Variants in EIF3B observed in about 807,000 individuals in gnomAD.
The protein encoded by EIF3B is eukaryotic translation initiation factor 3 subunit B, also known as eukaryotic translation initiation factor 3 subunit 9.
EIF3B carries 10 observed loss-of-function variants against 104.6 expected under a neutral mutation model. The observed-to-expected ratio is 0.10, with a 90% CI of 0.06 to 0.16. The LOEUF (loss-of-function observed/expected upper bound fraction) is 0.16, where lower values mean the gene tolerates loss of function less well. Ranked by LOEUF, EIF3B falls within the 10% of genes least tolerant of loss-of-function variation. The pLI is 1.00. For synonymous variants in EIF3B, 542 were observed against 417.2 expected (o/e 1.30, Z -3.65); for missense variants, 1,014 against 1,087.9 (o/e 0.93, Z 0.96).
At position 2,366,345 on chromosome 7, in the gene EIF3B, G is replaced by A; in HGVS notation, c.1186G>A (p.Asp396Asn). The part of the protein sequence containing the change: ...RYLVTFSPLM[D>N]TQDDPQAIII... ...CCTGGTGACCTTTAGCCCCCTGATG[G>A]ACACGCAGGATGACCCTCAGGCCAT... The change falls in exon 7 of 19, where the codon GAC (aspartate) becomes AAC (asparagine). Residue 396 changes from aspartate to asparagine, a missense_variant. Transcript: ENST00000360876. 1 of 1,612,580 alleles carries A rather than the reference G, an allele frequency of 6.2e-7. No individual in the cohort carries two copies. Among genetic ancestry groups the A allele is most frequent in the Non-Finnish European group, 8.5e-7 (1 of 1,179,388 alleles).
rs916852455 is a variant in EIF3B at position 2,380,675 on chromosome 7, C to G, written c.*486C>G. ...GAGGGCGCCGCCATGCCTTGTACCC[C>G]CACCGTGCAGGTTGTGGCCGGTTTT... On this transcript the variant is annotated 3_prime_UTR_variant, in exon 19 of 19. Coordinates refer to ENST00000360876, the MANE Select transcript of EIF3B (RefSeq NM_001037283.2). The G allele has an allele frequency of 2.5e-5, 5 of 200,448 alleles. No homozygotes were observed. The highest frequency in any genetic ancestry group is 3.2e-5 in the Non-Finnish European group (3 of 94,818). The allele number at this position is 200,448 out of a possible 1,614,324, so 12.4% of individuals were successfully genotyped here. A position where few individuals can be genotyped will look rare whatever the true frequency, so the allele number is the denominator to read the frequency against.
chr7:2,360,946 G>C (rs375225894), intron 2 of EIF3B, 44 bp downstream of exon 2: 13 of 1,491,346 alleles, frequency 8.7e-6, no homozygotes, highest in Non-Finnish European at 1.1e-5. Flanking sequence ...TGTCTGGCAC[G>C]TCATGATGAG....
intron 9 of EIF3B, among the ~76,000 whole-genome samples, chr7:2,368,553 C>G (rs929238149): frequency 6.6e-6 from 1 of 152,232 alleles, no homozygotes; most frequent in Non-Finnish European, 1.5e-5. Context: ...TTCAGTGACC[C>G]CTTCCCGTGC....
chr7:2,372,740 G>C lies in EIF3B; in HGVS notation c.1755G>C (p.Pro585=), dbSNP rs140168471. ...SKFAVLHGEA[P]RISVSFYHVK... The stretch of plus-strand genomic sequence containing the variant: ...TTGCTGTGCTGCACGGAGAGGCTCC[G>C]CGGATATCTGTGTCTTTCTACCACG... The change falls in exon 12 of 19, where the codon CCG becomes CCC. Residue 585 remains proline, a synonymous_variant. Transcript: ENST00000360876. 1 of 1,614,032 alleles carries C rather than the reference G, an allele frequency of 6.2e-7. No homozygotes were observed. The highest frequency in any genetic ancestry group is 8.5e-7 in the Non-Finnish European group (1 of 1,180,018).
intron 1 of EIF3B, among the ~76,000 whole-genome samples, chr7:2,357,324 TG>T (rs1489699583): frequency 6.6e-6 from 1 of 152,188 alleles, no homozygotes; most frequent in Admixed American, 6.5e-5. Context: ...GTGAGGCATC[TG>T]GTCCTGAGGA....
chr7:2,369,427 C>A, intron 9 of EIF3B, 45 bp from the exon 10 acceptor site: 1 of 1,591,566 alleles, frequency 6.3e-7, no homozygotes, highest in South Asian at 1.1e-5. Flanking sequence ...TCAGTTTCGT[C>A]ATCACTTGGT....
chr7:2,355,546 C>A, intron 1 of EIF3B, 126 bp downstream of exon 1: 1 of 1,291,208 alleles, frequency 7.7e-7, no homozygotes, highest in Non-Finnish European at 1.0e-6. Flanking sequence ...TCCGTGTGTT[C>A]CTGAGAAGCC....
chr7:2,371,810 A>T lies in EIF3B; in HGVS notation c.1648A>T (p.Arg550Trp). 1 of 1,613,884 alleles carries T rather than the reference A, an allele frequency of 6.2e-7. No individual in the cohort carries two copies. Among genetic ancestry groups the T allele is most frequent in the Non-Finnish European group, 8.5e-7 (1 of 1,179,968 alleles). ...CACAAATTTTGAAATTTTCCGAATGAGGGAGAAACAGGTACCTGTGGATGT... is the reference window on the plus strand; with the variant it reads ...CACAAATTTTGAAATTTTCCGAATGTGGGAGAAACAGGTACCTGTGGATGT... ...VVTNFEIFRM[R>W]EKQVPVDVVE... Residue 550 changes from arginine (R) to tryptophan (W), a missense_variant, in exon 11 of 19, where the codon AGG becomes TGG. Around this residue, in one of 4 missense-constraint regions of EIF3B, gnomAD observed 59 missense variants for 118.8 expected, o/e 0.50. Transcript: ENST00000360876.
chr7:2,365,671 GTTTGTTTTGTTTT>G (rs1779975599), intron 6 of EIF3B, among the ~76,000 whole-genome samples: 2 of 108,950 alleles, frequency 1.8e-5, no homozygotes, highest in African/African-American at 9.1e-5. Flanking sequence ...TTGTTTGTTT[GTTTGTTTTGTTTT>G]TTTTTTTTTT....
At chr7:2,362,616 G>C in intron 2 of EIF3B, 29 bp from the exon 3 acceptor site, 1 of 1,613,786 alleles carries the variant, frequency 6.2e-7, no homozygotes, top group Non-Finnish European at 8.5e-7. Flanking sequence ...TACAGTGTGG[G>C]TATGTGCCAA....
At position 2,360,868 on chromosome 7, in the gene EIF3B, G is replaced by T. The variant is rs2115286958; in HGVS notation, c.658G>T (p.Asp220Tyr). 6.2e-7 allele frequency: 1 copy of T among 1,613,672 alleles called. No homozygotes were observed. The highest frequency in any genetic ancestry group is 1.1e-5 in the South Asian group (1 of 91,062). Residue 220 changes from aspartate (D) to tyrosine (Y), a missense_variant, in exon 2 of 19, where the codon GAT (aspartate) becomes TAT (tyrosine). By Grantham distance (160) the Asp-to-Tyr change is radical. This residue lies in a region of EIF3B where 488 missense variants were observed against 404.3 expected (regional missense o/e 1.21). Coordinates refer to ENST00000360876, the MANE Select transcript of EIF3B (RefSeq NM_001037283.2). ...IFSKFGKITN[D>Y]FYPEEDGKTK... ...TTCCAAGTTTGGGAAAATCACAAATGATTTTTATCCTGAAGAGGATGGGAA... is the reference window on the plus strand; with the variant it reads ...TTCCAAGTTTGGGAAAATCACAAATTATTTTTATCCTGAAGAGGATGGGAA...
At chr7:2,366,202 G>A (rs1780019422) in intron 6 of EIF3B, 115 bp from the exon 7 acceptor site, 3 of 1,151,690 alleles carry the variant, frequency 2.6e-6, no homozygotes, top group African/African-American at 3.1e-5. Flanking sequence ...GGGCAGTGTG[G>A]GGTTTGGGGA....
chr7:2,364,606 G>C, intron 6 of EIF3B, 77 bp downstream of exon 6: 1 of 1,371,886 alleles, frequency 7.3e-7, no homozygotes. Flanking sequence ...CTTTCATTTT[G>C]TAGCATTTCA....
intron 2 of EIF3B, 133 bp downstream of exon 2, chr7:2,361,035 C>A: frequency 3.1e-6 from 2 of 642,308 alleles, no homozygotes; most frequent in Non-Finnish European, 2.6e-6. Context: ...TCAGGCCGCC[C>A]TCAGCTGGAA....
intron 15 of EIF3B, 26 bp from the exon 16 acceptor site, chr7:2,378,663 C>T: frequency 6.3e-7 from 1 of 1,599,970 alleles, no homozygotes; most frequent in Admixed American, 1.7e-5. Context: ...AATGTTAAAT[C>T]CTGAGTGATG....
chr7:2,378,379 C>A (rs112559182), intron 15 of EIF3B: 1 of 301,946 alleles, frequency 3.3e-6, no homozygotes, highest in African/African-American at 4.8e-5. Flanking sequence ...GGCGAGCGCT[C>A]CTGGGATGCT....
At chr7:2,365,898 C>T (rs1779998877) in intron 6 of EIF3B, among the ~76,000 whole-genome samples, 1 of 152,004 alleles carries the variant, frequency 6.6e-6, no homozygotes, top group Non-Finnish European at 1.5e-5. Flanking sequence ...GTTGGCCAAG[C>T]TTGTCTTAAA....
At chr7:2,357,935 C>T (rs1484766052) in intron 1 of EIF3B, among the ~76,000 whole-genome samples, 1 of 152,102 alleles carries the variant, frequency 6.6e-6, no homozygotes, top group East Asian at 1.9e-4. Context: ...ATGGTAAGTG[C>T]TTTAGAAGTT....
rs1486653472 is a variant in EIF3B, at chr7:2,377,094, C to G, written c.2154+19C>G. On this transcript the variant is annotated intron_variant, in intron 15 of 18. Coordinates refer to ENST00000360876, the MANE Select transcript of EIF3B (RefSeq NM_001037283.2). ...GATCAAGGTCAGCATGCCCCCACCC[C>G]CGGGTGCAGGGCACATGGAGGCAAT... 4 of 1,596,910 alleles carry G rather than the reference C, an allele frequency of 2.5e-6. No individual in the cohort carries two copies. In the East Asian group the frequency reaches 6.8e-5, roughly 27 times the overall value.
Sources: allele counts gnomAD v4.1 joint callset (sites outside exome capture counted in the v4.1 genomes callset), GRCh38; gene constraint gnomAD v4.1.1; regional missense constraint gnomAD v4.1.1; transcripts MANE v1.5; gene names NCBI Gene and HGNC (gene_info 2026-07-23, HGNC 2026-07-21).